The following TIAM1 variants were observed in gnomAD, a reference collection of about 807,000 sequenced individuals.
TIAM1 encodes the protein rho guanine nucleotide exchange factor TIAM1.
A neutral mutation model predicts 163.5 loss-of-function variants in TIAM1; 65 were observed. The ratio of observed to expected loss-of-function variants is 0.40; its 90% CI spans 0.33 to 0.49. The LOEUF is 0.49. Ranked by LOEUF, TIAM1 falls within the 20% of genes least tolerant of loss-of-function variation. TIAM1 has a pLI of 0.77. For missense variants in TIAM1, 1,789 were observed against 2,044.7 expected (o/e 0.87, Z 2.41); for synonymous variants, 833 against 810.1 (o/e 1.03, Z -0.48).
chr21:31,285,223 G>C (rs190097897), intron 2 of TIAM1, among the ~76,000 whole-genome samples: 1 of 152,076 alleles, frequency 6.6e-6, no homozygotes, highest in Non-Finnish European at 1.5e-5. Context: ...AGCTGCCTTC[G>C]CACACAGAGG....
chr21:31,511,771 A>G (rs2047217558), intron 1 of TIAM1, among the ~76,000 whole-genome samples: 1 of 152,260 alleles, frequency 6.6e-6, no homozygotes. Context: ...GAAAGGGAAA[A>G]TGTAATAATA....
intron 2 of TIAM1, among the ~76,000 whole-genome samples, chr21:31,398,824 G>C (rs1307240480): frequency 1.3e-5 from 2 of 152,228 alleles, no homozygotes; most frequent in Non-Finnish European, 2.9e-5. Flanking sequence ...AGAAGAAAGA[G>C]AAATGTAAAC....
At chr21:31,270,630 C>T (rs2073013822) in intron 3 of TIAM1, among the ~76,000 whole-genome samples, 1 of 152,186 alleles carries the variant, frequency 6.6e-6, no homozygotes, top group Non-Finnish European at 1.5e-5. Context: ...CAAGCTTGTC[C>T]AACCCATAGC....
At chr21:31,511,240 T>C (rs554748928) in intron 1 of TIAM1, among the ~76,000 whole-genome samples, 1 of 152,312 alleles carries the variant, frequency 6.6e-6, no homozygotes, top group Non-Finnish European at 1.5e-5. Flanking sequence ...CACTCAGCCC[T>C]AGGAAACCAG....
intron 2 of TIAM1, among the ~76,000 whole-genome samples, chr21:31,451,347 T>C (rs1051216959): frequency 6.6e-6 from 1 of 152,204 alleles, no homozygotes. Context: ...TATTATCATA[T>C]TTTTCTCATG....
intron 2 of TIAM1, among the ~76,000 whole-genome samples, chr21:31,401,456 G>A (rs2077163052): frequency 6.6e-6 from 1 of 152,146 alleles, no homozygotes; most frequent in Non-Finnish European, 1.5e-5. Context: ...ATAAACAATG[G>A]TAAACTGTTC....
chr21:31,397,990 C>G (rs1392283645), intron 2 of TIAM1, among the ~76,000 whole-genome samples: 1 of 151,886 alleles, frequency 6.6e-6, no homozygotes, highest in African/African-American at 2.4e-5. Flanking sequence ...CAGATCTGCA[C>G]AGACTCCAAG....
chr21:31,217,206 C>CAA (rs113271826), intron 9 of TIAM1, among the ~76,000 whole-genome samples: 3,186 of 127,468 alleles, frequency 0.025, 96 homozygotes, highest in African/African-American at 0.074. Flanking sequence ...ACTCTGTCTC[C>CAA]AAAAAAAAAA....
At chr21:31,450,712 C>T (rs977714233) in intron 2 of TIAM1, among the ~76,000 whole-genome samples, 6 of 152,162 alleles carry the variant, frequency 3.9e-5, no homozygotes, top group African/African-American at 9.7e-5. Context: ...GCCTCACAAT[C>T]GTGGCAGAAG....
At chr21:31,388,985 T>G (rs1048619725) in intron 2 of TIAM1, among the ~76,000 whole-genome samples, 2 of 152,192 alleles carry the variant, frequency 1.3e-5, no homozygotes, top group Non-Finnish European at 2.9e-5. Flanking sequence ...AAGGGCCGGA[T>G]GGTAAATATT....
chr21:31,172,906 T>C (rs926087114), intron 15 of TIAM1, among the ~76,000 whole-genome samples: 3 of 152,088 alleles, frequency 2.0e-5, no homozygotes, highest in Admixed American at 6.5e-5. Context: ...GGTAACCCTG[T>C]AAATAGAATT....
At chr21:31,445,180 A>G (rs1446785600) in intron 2 of TIAM1, among the ~76,000 whole-genome samples, 1 of 151,946 alleles carries the variant, frequency 6.6e-6, no homozygotes. Context: ...GAAACAGTCT[A>G]TGATGATGAG....
At chr21:31,440,681 G>C (rs1346622933) in intron 2 of TIAM1, among the ~76,000 whole-genome samples, 2 of 152,172 alleles carry the variant, frequency 1.3e-5, no homozygotes, top group African/African-American at 4.8e-5. Context: ...AGAGCATCGA[G>C]ACCATCCTGG....
intron 19 of TIAM1, among the ~76,000 whole-genome samples, chr21:31,150,696 C>T (rs1399183739): frequency 3.9e-5 from 6 of 151,956 alleles, no homozygotes; most frequent in Non-Finnish European, 8.8e-5. Context: ...AGATAAGACA[C>T]CAAAAGTGTG....
chr21:31,245,447 C>T (rs1239279049), intron 6 of TIAM1, 41 bp downstream of exon 6: 4 of 1,227,656 alleles, frequency 3.3e-6, no homozygotes, highest in Non-Finnish European at 4.2e-6. Context: ...GTAGCCAGTT[C>T]AGAGGTTTGA....
At chr21:31,245,702 T>TG in intron 5 of TIAM1, 42 bp from the exon 6 acceptor site, 5 of 1,391,476 alleles carry the variant, frequency 3.6e-6, no homozygotes, top group Non-Finnish European at 3.8e-6. Context: ...ATTCAGTGCT[T>TG]GGGAAACAAA....
chr21:31,545,450 A>T (rs1325470450), intron 1 of TIAM1, among the ~76,000 whole-genome samples: 37 of 152,254 alleles, frequency 2.4e-4, no homozygotes, highest in Admixed American at 2.4e-3. Context: ...TAACAAAGAC[A>T]TGAATTAAAT....
chr21:31,243,481 T>C (rs1199753930), intron 6 of TIAM1, among the ~76,000 whole-genome samples: 2 of 151,848 alleles, frequency 1.3e-5, no homozygotes, highest in Non-Finnish European at 2.9e-5. Context: ...GCAGGAAGAC[T>C]ATTTGAAGAA....
chr21:31,400,096 A>G (rs2077139526), intron 2 of TIAM1, among the ~76,000 whole-genome samples: 1 of 152,056 alleles, frequency 6.6e-6, no homozygotes, highest in Non-Finnish European at 1.5e-5. Flanking sequence ...AAGGAAATAT[A>G]AGGGGAAATA....
Sources: allele counts gnomAD v4.1 joint callset (sites outside exome capture counted in the v4.1 genomes callset), GRCh38; gene constraint gnomAD v4.1.1; transcripts MANE v1.5; gene names NCBI Gene and HGNC (gene_info 2026-07-23, HGNC 2026-07-21).